Variants in SRBD1 observed in about 807,000 individuals in gnomAD.
SRBD1 encodes S1 RNA binding domain 1.
A neutral mutation model predicts 115.3 loss-of-function variants in SRBD1; 88 were observed. The observed-to-expected ratio is 0.76, with a 90% confidence interval of 0.64 to 0.91. SRBD1 has a LOEUF of 0.91. Ranked by LOEUF, SRBD1 falls within the 40% of genes least tolerant of loss-of-function variation. SRBD1 has a pLI of 0.00. For missense variants in SRBD1, 1,385 were observed against 1,177.4 expected, an observed-to-expected ratio of 1.18 and a Z score of -2.58; for synonymous variants, 509 against 407.7, an observed-to-expected ratio of 1.25 and a Z score of -2.99.
intron 19 of SRBD1, among the ~76,000 whole-genome samples, chr2:45,405,944 G>A (rs1667424551): frequency 6.6e-6 from 1 of 152,116 alleles, no homozygotes; most frequent in Admixed American, 6.6e-5. Context: ...GGTGGCCACA[G>A]CTTCTAGCTT....
intron 19 of SRBD1, among the ~76,000 whole-genome samples, chr2:45,411,227 G>A (rs1443535247): frequency 6.6e-6 from 1 of 152,110 alleles, no homozygotes; most frequent in Non-Finnish European, 1.5e-5. Flanking sequence ...CTGGTTGGAG[G>A]GGAGAAATCC....
chr2:45,439,358 G>A (rs1198907536), intron 16 of SRBD1, among the ~76,000 whole-genome samples: 1 of 127,390 alleles, frequency 7.8e-6, no homozygotes, highest in Non-Finnish European at 1.6e-5. Flanking sequence ...GGTATTCTAG[G>A]ACATATATAT....
chr2:45,486,806 C>T (rs1387188789), intron 15 of SRBD1, among the ~76,000 whole-genome samples: 1 of 151,008 alleles, frequency 6.6e-6, no homozygotes, highest in African/African-American at 2.4e-5. Context: ...ATAAATACCT[C>T]ACAGGGGAAT....
chr2:45,450,033 A>C (rs557192199), intron 16 of SRBD1, among the ~76,000 whole-genome samples: 1 of 152,172 alleles, frequency 6.6e-6, no homozygotes, highest in Non-Finnish European at 1.5e-5. Context: ...ATAATGCCCA[A>C]ACACTTGGAA....
At chr2:45,413,863 C>T (rs1465279338) in intron 18 of SRBD1, among the ~76,000 whole-genome samples, 1 of 151,850 alleles carries the variant, frequency 6.6e-6, no homozygotes, top group African/African-American at 2.4e-5. Context: ...ACCTGGCAGG[C>T]GGCGGTTGCA....
At chr2:45,403,444 A>G (rs1458339952) in intron 19 of SRBD1, among the ~76,000 whole-genome samples, 1 of 152,084 alleles carries the variant, frequency 6.6e-6, no homozygotes, top group East Asian at 1.9e-4. Context: ...GTCATCTTTC[A>G]TTATTAATTC....
At chr2:45,432,152 C>G (rs578184501) in intron 16 of SRBD1, among the ~76,000 whole-genome samples, 45 of 152,190 alleles carry the variant, frequency 3.0e-4, no homozygotes, top group Non-Finnish European at 5.9e-4. Flanking sequence ...GCCTCAGCCT[C>G]CTGAGTAGCT....
Position 45,466,474 on chromosome 2 carries a change from C to G in SRBD1, c.2049+10519G>C, listed in dbSNP as rs576342508. Reference sequence around the variant, plus strand: ...CCTGACCTCCTTAAATAACTCTCTTCCTTAAACATTTGTATACACTTGTCT... The same window carrying G: ...CCTGACCTCCTTAAATAACTCTCTTGCTTAAACATTTGTATACACTTGTCT... On this transcript the variant is annotated intron_variant, in intron 16 of 20. Transcript: ENST00000263736. Among the ~76,000 whole-genome samples the G allele has an allele frequency of 1.1e-4, 16 of 152,276 alleles. No homozygotes were observed. The East Asian group carries it at 2.9e-3, about 28-fold the overall frequency.
intron 19 of SRBD1, among the ~76,000 whole-genome samples, chr2:45,411,931 C>A (rs1440465538): frequency 6.6e-6 from 1 of 151,880 alleles, no homozygotes; most frequent in Non-Finnish European, 1.5e-5. Flanking sequence ...GACAATACAG[C>A]GAAACTCTAT....
intron 16 of SRBD1, among the ~76,000 whole-genome samples, chr2:45,448,426 A>G (rs753821509): frequency 2.0e-5 from 3 of 152,166 alleles, no homozygotes; most frequent in Non-Finnish European, 4.4e-5. Flanking sequence ...CAAAATCCCA[A>G]ACTTGGAGTG....
intron 12 of SRBD1, among the ~76,000 whole-genome samples, chr2:45,549,904 T>C (rs1184384861): frequency 2.0e-5 from 3 of 151,682 alleles, no homozygotes; most frequent in Admixed American, 1.3e-4. Context: ...AAGTCAAAAT[T>C]AGAAAATCTC....
At position 45,573,312 on chromosome 2, in the gene SRBD1, T is replaced by C. The variant is rs1200460934; in HGVS notation, c.1200A>G (p.Ser400=). The C allele has an allele frequency of 1.2e-6, 2 of 1,611,746 alleles. No homozygotes were observed. Among genetic ancestry groups the C allele is most frequent in the Admixed American group, 1.7e-5 (1 of 59,688 alleles). The change falls in exon 9 of 21, where the codon TCA becomes TCG. Residue 400 remains serine (S), a synonymous_variant. Coordinates refer to ENST00000263736, the MANE Select transcript of SRBD1 (RefSeq NM_018079.5). ...TTTTTGAGGATACTTTTGCCAGAGA[T>C]GACTGGATACAAACATGTCTCTTCT... ...LCQKRHVCIQ[S]SLAKVSSKKV...
chr2:45,398,638 T>C (rs1667211831), intron 19 of SRBD1, among the ~76,000 whole-genome samples: 1 of 152,186 alleles, frequency 6.6e-6, no homozygotes, highest in African/African-American at 2.4e-5. Context: ...TTAGCATTAC[T>C]GAATAAGAGT....
intron 14 of SRBD1, among the ~76,000 whole-genome samples, chr2:45,500,448 G>A (rs370394219): frequency 1.3e-4 from 19 of 151,230 alleles, no homozygotes; most frequent in African/African-American, 3.9e-4. Context: ...TTTAAGACAA[G>A]GTCTGGCTCT....
chr2:45,599,559 C>A lies in SRBD1; in HGVS notation c.538G>T (p.Ala180Ser). The A allele has an allele frequency of 1.2e-6, 2 of 1,614,168 alleles. No individual in the cohort carries two copies. The highest frequency in any genetic ancestry group is 1.7e-6 in the Non-Finnish European group (2 of 1,180,024). The change falls in exon 4 of 21, where the codon GCT becomes TCT. Residue 180 changes from alanine (A) to serine (S), a missense_variant. Ala to Ser is a moderately conservative substitution (Grantham distance 99). Coordinates refer to ENST00000263736, the MANE Select transcript of SRBD1 (RefSeq NM_018079.5). ...NDDDFTFGQS[A>S]LKKIKTETYP... ...GTCTCAGTCTTGATTTTCTTTAAAG[C>A]GGACTGACCAAATGTAAAGTCATCG...
chr2:45,400,055 C>A (rs575679311), intron 19 of SRBD1, among the ~76,000 whole-genome samples: 2 of 152,098 alleles, frequency 1.3e-5, no homozygotes, highest in Non-Finnish European at 2.9e-5. Context: ...ACTATAAATG[C>A]CATCCTGTCA....
chr2:45,585,677 C>T lies in SRBD1; in HGVS notation c.746G>A (p.Arg249Lys). The change falls in exon 5 of 21, where the codon AGA becomes AAA. Residue 249 changes from arginine (R) to lysine (K), a missense_variant. Transcript: ENST00000263736. ...ATCAAGGTTATTAATGAGCTCTTTT[C>T]TATAACGTATAATGAAGGGAATTGT... ...DNTIPFIIRY[R>K]KELINNLDAD... The T allele has an allele frequency of 6.2e-7, 1 of 1,612,464 alleles. No individual in the cohort carries two copies. The highest frequency in any genetic ancestry group is 8.5e-7 in the Non-Finnish European group (1 of 1,179,546).
chr2:45,525,489 T>C (rs1003595765), intron 14 of SRBD1, among the ~76,000 whole-genome samples: 15 of 151,996 alleles, frequency 9.9e-5, no homozygotes, highest in Admixed American at 7.2e-4. Context: ...GTTTCAGTTA[T>C]AGGAAGAATA....
At position 45,392,703 on chromosome 2, in the gene SRBD1, G is replaced by A. The variant is rs1667036544; in HGVS notation, c.2698+242C>T. Among the ~76,000 whole-genome samples the A allele has an allele frequency of 2.0e-5, 3 of 152,198 alleles. No individual in the cohort carries two copies. The South Asian group carries it at 6.2e-4, about 32-fold the overall frequency. On this transcript the variant is annotated intron_variant, in intron 20 of 20. Coordinates refer to ENST00000263736, the MANE Select transcript of SRBD1 (RefSeq NM_018079.5). ...CAGCAGTACATGCATGATGCATTTCGTTTAGTAAATGGGAAATACACAGTG... is the reference window on the plus strand; with the variant it reads ...CAGCAGTACATGCATGATGCATTTCATTTAGTAAATGGGAAATACACAGTG...
Sources: allele counts gnomAD v4.1 joint callset (sites outside exome capture counted in the v4.1 genomes callset), GRCh38; gene constraint gnomAD v4.1.1; transcripts MANE v1.5; gene names NCBI Gene and HGNC (gene_info 2026-07-23, HGNC 2026-07-21).